PVT1: variants seen among roughly 807,000 people sequenced by gnomAD.
PVT1 encodes Pvt1 oncogene.
chr8:127,795,489 G>A (rs974703941), intron 1 of PVT1, among the ~76,000 whole-genome samples: 2 of 152,162 alleles, frequency 1.3e-5, no homozygotes, highest in Non-Finnish European at 2.9e-5. Flanking sequence ...TAGAACATTA[G>A]AGAGGAGAAG....
At chr8:128,054,344 G>A (rs1189794034) in intron 4 of PVT1, among the ~76,000 whole-genome samples, 1 of 152,138 alleles carries the variant, frequency 6.6e-6, no homozygotes, top group African/African-American at 2.4e-5. Flanking sequence ...AGGTTGCTAT[G>A]GCAATGACCT....
chr8:128,026,210 T>G (rs1817491290), intron 4 of PVT1, among the ~76,000 whole-genome samples: 1 of 152,230 alleles, frequency 6.6e-6, no homozygotes, highest in South Asian at 2.1e-4. Context: ...CCCAAAGTGC[T>G]GGGATTACAG....
chr8:127,892,050 C>A (rs1487068357), intron 3 of PVT1, among the ~76,000 whole-genome samples: 1 of 152,216 alleles, frequency 6.6e-6, no homozygotes, highest in Non-Finnish European at 1.5e-5. Flanking sequence ...GTCCAGCTCT[C>A]AGACCACTTG....
At chr8:128,008,131 T>G (rs545208819) in intron 4 of PVT1, among the ~76,000 whole-genome samples, 1 of 152,370 alleles carries the variant, frequency 6.6e-6, no homozygotes, top group South Asian at 2.1e-4. Context: ...CAGTGATTCT[T>G]TAAGTGGTGC....
At chr8:128,084,273 C>G (rs1263950175) in intron 5 of PVT1, among the ~76,000 whole-genome samples, 1 of 152,214 alleles carries the variant, frequency 6.6e-6, no homozygotes, top group East Asian at 1.9e-4. Context: ...GTTTATTCTA[C>G]TTTCCACACT....
intron 4 of PVT1, among the ~76,000 whole-genome samples, chr8:128,027,341 G>A (rs1017925302): frequency 4.6e-5 from 7 of 152,204 alleles, no homozygotes; most frequent in African/African-American, 1.7e-4. Flanking sequence ...CCTGGAGAGT[G>A]GAACCTCTCA....
At chr8:128,017,982 G>A (rs778204391) in intron 4 of PVT1, among the ~76,000 whole-genome samples, 15 of 152,288 alleles carry the variant, frequency 9.8e-5, no homozygotes, top group Non-Finnish European at 1.5e-4. Context: ...CTACGAATAC[G>A]TAGATTTATT....
chr8:128,000,800 CAGCCCAGCCTGGAGCTCTGCA>C (rs1310604725), intron 4 of PVT1, among the ~76,000 whole-genome samples: 6 of 152,190 alleles, frequency 3.9e-5, no homozygotes, highest in Non-Finnish European at 7.3e-5. Context: ...TCAGAGATGA[CAGCCCAGCCTGGAGCTCTGCA>C]AGGTCCTCCA....
At chr8:127,927,014 T>C (rs367839468) in intron 3 of PVT1, among the ~76,000 whole-genome samples, 1 of 152,112 alleles carries the variant, frequency 6.6e-6, no homozygotes, top group East Asian at 1.9e-4. Flanking sequence ...GTGCCGACAA[T>C]GACCTCAGCA....
chr8:127,887,765 G>A lies in PVT1; in HGVS notation n.373-2824G>A, dbSNP rs578118757. On this transcript the variant is annotated intron_variant and non_coding_transcript_variant, in intron 2 of 10. Coordinates refer to ENST00000651587, the Ensembl canonical transcript of PVT1. ...TGGTCTCAAACTCCTGACTTCAGGCGATCCACCCATCTCAGCCTCCCAAAG... is the reference window on the plus strand; with the variant it reads ...TGGTCTCAAACTCCTGACTTCAGGCAATCCACCCATCTCAGCCTCCCAAAG... Among the ~76,000 whole-genome samples the A allele has an allele frequency of 9.9e-5, 15 of 151,710 alleles. No homozygotes were observed. The South Asian group carries it at 2.3e-3, about 23-fold the overall frequency.
chr8:127,974,506 T>A (rs1276739635), intron 3 of PVT1, among the ~76,000 whole-genome samples: 1 of 151,866 alleles, frequency 6.6e-6, no homozygotes, highest in Non-Finnish European at 1.5e-5. Flanking sequence ...CCTCTTTCTC[T>A]CGGGTTCAAG....
intron 5 of PVT1, among the ~76,000 whole-genome samples, chr8:128,073,123 G>A (rs1052149767): frequency 7.9e-5 from 12 of 151,986 alleles, no homozygotes; most frequent in Non-Finnish European, 1.3e-4. Flanking sequence ...GTGAACCACC[G>A]CACCCGGCCC....
intron 3 of PVT1, among the ~76,000 whole-genome samples, chr8:127,958,772 AT>A (rs986111332): frequency 1.1e-4 from 17 of 152,196 alleles, no homozygotes; most frequent in South Asian, 2.1e-4. Flanking sequence ...TGACTCCAGA[AT>A]TTTTCCAACA....
chr8:127,889,033 T>TCTCTCCC lies in PVT1; in HGVS notation n.373-1556_373-1555insCTCTCCC, dbSNP rs1491272967. 1.3e-3 allele frequency among the ~76,000 whole-genome samples: 94 copies of TCTCTCCC among 72,548 alleles called. 3 individuals are homozygous for TCTCTCCC. The East Asian group carries it at 0.017, about 13-fold the overall frequency. 47.6% of individuals were successfully genotyped at this position (72,548 alleles called of 152,430 possible). A position where few individuals can be genotyped will look rare whatever the true frequency, so the allele number is the denominator to read the frequency against. ...TTTCAAACCCCTTTTCCTTTCTCTC[T>TCTCTCCC]TTCTTTCTTCCTTCCTTCCTTCCTT... is the stretch of plus-strand genomic sequence containing the variant. On this transcript the variant is annotated intron_variant and non_coding_transcript_variant, in intron 2 of 10. Transcript: ENST00000651587.
At chr8:128,039,168 C>G (rs1460655795) in intron 4 of PVT1, among the ~76,000 whole-genome samples, 1 of 152,152 alleles carries the variant, frequency 6.6e-6, no homozygotes, top group African/African-American at 2.4e-5. Context: ...TGACTGTTGC[C>G]GTGGGAAATA....
At chr8:127,968,526 C>T (rs145786094) in intron 3 of PVT1, among the ~76,000 whole-genome samples, 365 of 152,180 alleles carry the variant, frequency 2.4e-3, no homozygotes, top group African/African-American at 8.3e-3. Context: ...CCACCAGGGA[C>T]GCAGGATTAT....
At chr8:128,008,754 A>G (rs1863562) in intron 4 of PVT1, 173,273 of 284,890 alleles carry the variant, frequency 0.61, 53,902 homozygotes, top group African/African-American at 0.73. Flanking sequence ...GCACAATGCT[A>G]AGCATGTGCA....
intron 3 of PVT1, among the ~76,000 whole-genome samples, chr8:127,981,401 C>T (rs1278675220): frequency 6.6e-6 from 1 of 152,142 alleles, no homozygotes; most frequent in East Asian, 1.9e-4. Flanking sequence ...TGACAGGGCA[C>T]CAGGAAGGTG....
chr8:127,801,099 G>A (rs532711681), intron 2 of PVT1, among the ~76,000 whole-genome samples: 65 of 152,320 alleles, frequency 4.3e-4, no homozygotes, highest in Middle Eastern at 6.8e-3. Context: ...CAGGAGAAGC[G>A]TGAGATGAGA....
Sources: gnomAD v4.1 joint callset for allele counts (sites outside exome capture counted in the v4.1 genomes callset) on GRCh38, gnomAD v4.1.1 for gene constraint, MANE v1.5 for transcripts, NCBI Gene and HGNC (gene_info 2026-07-23, HGNC 2026-07-21) for gene names.